RERE: variants seen among roughly 807,000 people sequenced by gnomAD.
RERE encodes arginine-glutamic acid dipeptide repeats, also known as arginine-glutamic acid dipeptide repeats protein.
RERE carries 40 observed loss-of-function variants against 146.1 expected under a neutral mutation model. That is an observed-to-expected ratio of 0.27 (90% CI 0.21 to 0.36). RERE has a LOEUF of 0.36. Among genes scored for constraint, RERE ranks in the 10% least tolerant of loss-of-function variants. RERE has a pLI of 1.00. For missense variants in RERE, 1,933 were observed against 2,138.7 expected (o/e 0.90, Z 1.90); for synonymous variants, 1,003 against 866.0 (o/e 1.16, Z -2.78).
chr1:8,454,593 T>A (rs907383031), intron 11 of RERE, among the ~76,000 whole-genome samples: 1 of 151,418 alleles, frequency 6.6e-6, no homozygotes, highest in African/African-American at 2.4e-5. Flanking sequence ...GATCACAAGG[T>A]CAGAAGTTCG....
At chr1:8,731,688 A>T (rs1192540517) in intron 1 of RERE, among the ~76,000 whole-genome samples, 2 of 152,062 alleles carry the variant, frequency 1.3e-5, no homozygotes, top group Admixed American at 1.3e-4. Flanking sequence ...GGGTGGAAAA[A>T]AACAAGAAAA....
intron 1 of RERE, among the ~76,000 whole-genome samples, chr1:8,792,187 TAA>T (rs1641376140): frequency 6.6e-6 from 1 of 152,206 alleles, no homozygotes; most frequent in Non-Finnish European, 1.5e-5. Context: ...TATAACCCAT[TAA>T]GTTTATAATT....
chr1:8,422,907 A>G (rs977312957), intron 11 of RERE, 100 bp from the exon 12 acceptor site: 16 of 897,298 alleles, frequency 1.8e-5, no homozygotes, highest in Non-Finnish European at 2.7e-5. Context: ...AACCACAAAA[A>G]AAGTCTCGGC....
chr1:8,605,125 T>G (rs1646686004), intron 4 of RERE, among the ~76,000 whole-genome samples: 1 of 152,138 alleles, frequency 6.6e-6, no homozygotes, highest in Non-Finnish European at 1.5e-5. Context: ...ACAAATCAAC[T>G]CTTTCCCAAC....
chr1:8,369,586 A>AAGT (rs1453013141), intron 12 of RERE, among the ~76,000 whole-genome samples: 32 of 151,696 alleles, frequency 2.1e-4, no homozygotes, highest in East Asian at 1.2e-3. Context: ...CACAGCAGTG[A>AAGT]AGTCACAGGT....
chr1:8,631,222 A>C (rs1266691870), intron 2 of RERE, among the ~76,000 whole-genome samples: 4 of 152,320 alleles, frequency 2.6e-5, no homozygotes, highest in South Asian at 2.1e-4. Flanking sequence ...ATCTCAGATA[A>C]TTATCTTCCC....
chr1:8,601,807 A>G (rs1646635337), intron 4 of RERE, among the ~76,000 whole-genome samples: 2 of 150,444 alleles, frequency 1.3e-5, no homozygotes, highest in South Asian at 4.1e-4. Flanking sequence ...ATCTTCTATT[A>G]GAGAGAACCG....
Position 8,358,455 on chromosome 1 carries a change from C to A in RERE, c.4080G>T (p.Gly1360=), listed in dbSNP as rs1173819534. The change falls in exon 20 of 23, where the codon GGG becomes GGT. Residue 1360 remains glycine, a synonymous_variant. Coordinates refer to ENST00000400908, the MANE Select transcript of RERE (RefSeq NM_001042681.2). ...GGTGGAAAGAAGCAAAAGGGTGGGGCCCGGCGGTCGGGGGGATGGTGAGGG... is the reference window on the plus strand; with the variant it reads ...GGTGGAAAGAAGCAAAAGGGTGGGGACCGGCGGTCGGGGGGATGGTGAGGG... ...HSALTIPPTA[G]PHPFASFHPG... is the part of the protein sequence containing the mutation. 2.5e-6 allele frequency: 4 copies of A among 1,586,868 alleles called. No individual in the cohort carries two copies. The highest frequency in any genetic ancestry group is 2.6e-6 in the Non-Finnish European group (3 of 1,163,772).
At chr1:8,428,701 T>C (rs998434274) in intron 11 of RERE, 5 of 152,308 alleles carry the variant, frequency 3.3e-5, no homozygotes, top group Non-Finnish European at 7.3e-5. Flanking sequence ...TTGGAAGCCA[T>C]GTGATCTAGT....
chr1:8,682,141 G>C (rs539138017), intron 1 of RERE, among the ~76,000 whole-genome samples: 1 of 152,192 alleles, frequency 6.6e-6, no homozygotes, highest in East Asian at 1.9e-4. Context: ...CCCCCAACCT[G>C]TACTGAAGCT....
chr1:8,649,767 C>T (rs1647516374), intron 2 of RERE, among the ~76,000 whole-genome samples: 1 of 151,188 alleles, frequency 6.6e-6, no homozygotes, highest in African/African-American at 2.4e-5. Flanking sequence ...TTATGGAATA[C>T]ACACTATGTG....
intron 1 of RERE, chr1:8,750,569 A>C: frequency 1.0e-6 from 1 of 1,001,492 alleles, no homozygotes. Context: ...GGCAAGGAAG[A>C]AGCTTATTTA....
chr1:8,671,112 T>C (rs944741966), intron 1 of RERE, among the ~76,000 whole-genome samples: 1 of 152,230 alleles, frequency 6.6e-6, no homozygotes, highest in Non-Finnish European at 1.5e-5. Context: ...GTCAGAAAGC[T>C]CTGGGCTAGA....
intron 2 of RERE, among the ~76,000 whole-genome samples, chr1:8,632,163 A>C (rs959021460): frequency 6.6e-6 from 1 of 152,242 alleles, no homozygotes. Flanking sequence ...ATCAATGCAA[A>C]GAGTCCAAAC....
chr1:8,677,454 G>GAAAAAAAAA (rs571192127), intron 1 of RERE, among the ~76,000 whole-genome samples: 2 of 101,664 alleles, frequency 2.0e-5, no homozygotes, highest in Non-Finnish European at 2.1e-5. Flanking sequence ...AGAAAGAAAA[G>GAAAAAAAAA]AAAAAAAAAA....
chr1:8,653,777 T>A (rs1372627072), intron 2 of RERE, among the ~76,000 whole-genome samples: 1 of 149,604 alleles, frequency 6.7e-6, no homozygotes, highest in Non-Finnish European at 1.5e-5. Context: ...AAACAAGCAA[T>A]CTGTGGTAAC....
intron 11 of RERE, among the ~76,000 whole-genome samples, chr1:8,433,812 G>A (rs1473307638): frequency 3.3e-5 from 5 of 150,904 alleles, no homozygotes; most frequent in South Asian, 2.1e-4. Context: ...CACCCGCCTC[G>A]GCCTCCCAAA....
chr1:8,733,156 T>C (rs1461779531), intron 1 of RERE, among the ~76,000 whole-genome samples: 1 of 152,152 alleles, frequency 6.6e-6, no homozygotes. Flanking sequence ...TTCTAAAGTA[T>C]AAAGTTTATT....
Position 8,358,888 on chromosome 1 carries a change from C to T in RERE, c.3647G>A (p.Arg1216His), listed in dbSNP as rs748189671. Reference sequence around the variant, plus strand: ...ACCACTGAGCTGTGGGTCACTGAGGCGACCTTCATGCGCTGAGCTGGACGC... The same window carrying T: ...ACCACTGAGCTGTGGGTCACTGAGGTGACCTTCATGCGCTGAGCTGGACGC... ...AKASSSAHEG[R>H]LSDPQLSGPG... The change falls in exon 20 of 23, where the codon CGC becomes CAC. Residue 1216 changes from arginine to histidine, a missense_variant. By Grantham distance (29) the Arg-to-His change is conservative (BLOSUM62 0). Around this residue, in one of 11 missense-constraint regions of RERE, gnomAD observed 1,255 missense variants for 1,153.8 expected, o/e 1.09. Transcript: ENST00000400908. The T allele has an allele frequency of 4.3e-5, 67 of 1,560,622 alleles. No homozygotes were observed. The highest frequency in any genetic ancestry group is 3.5e-4 in the Middle Eastern group (2 of 5,704).
Sources: gnomAD v4.1 joint callset for allele counts (sites outside exome capture counted in the v4.1 genomes callset) on GRCh38, gnomAD v4.1.1 for gene constraint, gnomAD v4.1.1 regional missense constraint, MANE v1.5 for transcripts, NCBI Gene and HGNC (gene_info 2026-07-23, HGNC 2026-07-21) for gene names.